The following ASAP1 variants were observed in gnomAD, a reference collection of about 807,000 sequenced individuals.
The protein encoded by ASAP1 is arf-GAP with SH3 domain, ANK repeat and PH domain-containing protein 1.
In ASAP1, 43 loss-of-function variants were observed where a neutral mutation model predicts 145.2. That is an observed-to-expected ratio of 0.30 (90% CI 0.23 to 0.38). The LOEUF (loss-of-function observed/expected upper bound fraction) is 0.38, where lower values mean the gene tolerates loss of function less well. Ranked by LOEUF, ASAP1 falls within the 10% of genes least tolerant of loss-of-function variation. ASAP1 has a pLI of 1.00. For missense variants in ASAP1, 1,018 were observed against 1,355.3 expected (o/e 0.75, Z 3.91); for synonymous variants, 546 against 515.5 (o/e 1.06, Z -0.80).
At chr8:130,132,983 GGAGA>G (rs907437897) in intron 15 of ASAP1, among the ~76,000 whole-genome samples, 2 of 152,010 alleles carry the variant, frequency 1.3e-5, no homozygotes, top group African/African-American at 4.8e-5. Flanking sequence ...TAAGCGAGTG[GGAGA>G]GAGAAAAGAA....
intron 25 of ASAP1, among the ~76,000 whole-genome samples, chr8:130,086,587 A>G (rs2097493673): frequency 6.6e-6 from 1 of 152,204 alleles, no homozygotes; most frequent in Admixed American, 6.5e-5. Context: ...GGTGGATCAC[A>G]TAACTCAGGA....
intron 29 of ASAP1, among the ~76,000 whole-genome samples, chr8:130,055,565 T>C (rs557591597): frequency 4.3e-4 from 65 of 151,662 alleles, no homozygotes; most frequent in African/African-American, 1.5e-3. Flanking sequence ...TGCTATGTAC[T>C]ATCACTTGTT....
intron 27 of ASAP1, among the ~76,000 whole-genome samples, chr8:130,065,349 C>T (rs2097428454): frequency 6.6e-6 from 1 of 152,160 alleles, no homozygotes; most frequent in Non-Finnish European, 1.5e-5. Context: ...TGTTGGCCTC[C>T]ACGGGTTTAG....
chr8:130,329,148 A>C (rs1824523612), intron 3 of ASAP1, among the ~76,000 whole-genome samples: 1 of 152,138 alleles, frequency 6.6e-6, no homozygotes, highest in Admixed American at 6.5e-5. Context: ...CAACTGTTCA[A>C]AATCCAGCCT....
intron 3 of ASAP1, among the ~76,000 whole-genome samples, chr8:130,253,922 G>A (rs1819358359): frequency 6.6e-6 from 1 of 152,150 alleles, no homozygotes; most frequent in Non-Finnish European, 1.5e-5. Flanking sequence ...TCAGGAGGCT[G>A]AGCCATGAGA....
chr8:130,187,117 G>T, intron 7 of ASAP1, 119 bp downstream of exon 7: 1 of 827,286 alleles, frequency 1.2e-6, no homozygotes, highest in Non-Finnish European at 1.9e-6. Flanking sequence ...ACAGGTTTTT[G>T]TTGAGAAGTT....
At chr8:130,158,085 A>C (rs937098844) in intron 12 of ASAP1, among the ~76,000 whole-genome samples, 1 of 152,204 alleles carries the variant, frequency 6.6e-6, no homozygotes, top group East Asian at 1.9e-4. Context: ...CAATGACCCC[A>C]GAAATTTAGA....
chr8:130,157,456 A>G (rs2097660260), intron 12 of ASAP1, among the ~76,000 whole-genome samples: 1 of 152,046 alleles, frequency 6.6e-6, no homozygotes, highest in Non-Finnish European at 1.5e-5. Context: ...GCTCCCATCT[A>G]GGTTTCTGAT....
chr8:130,258,383 T>C (rs1468626369), intron 3 of ASAP1, among the ~76,000 whole-genome samples: 1 of 152,178 alleles, frequency 6.6e-6, no homozygotes, highest in Non-Finnish European at 1.5e-5. Flanking sequence ...TTTGAAGAAG[T>C]TAAATGTACA....
At chr8:130,351,918 A>G (rs1826019134) in intron 3 of ASAP1, among the ~76,000 whole-genome samples, 2 of 152,248 alleles carry the variant, frequency 1.3e-5, no homozygotes, top group Admixed American at 1.3e-4. Flanking sequence ...TGTTTTAGAA[A>G]GAGCATGAGT....
At chr8:130,377,457 CTTG>C (rs1277948025) in intron 2 of ASAP1, among the ~76,000 whole-genome samples, 3 of 152,162 alleles carry the variant, frequency 2.0e-5, no homozygotes, top group Admixed American at 1.3e-4. Flanking sequence ...AGATCAGTCC[CTTG>C]TTGTTTATTC....
At chr8:130,437,838 G>C (rs1830367553) in intron 1 of ASAP1, among the ~76,000 whole-genome samples, 1 of 152,154 alleles carries the variant, frequency 6.6e-6, no homozygotes, top group Non-Finnish European at 1.5e-5. Context: ...CACAGCTGGG[G>C]AAGTACTGAC....
At chr8:130,123,855 C>A (rs150371249) in intron 18 of ASAP1, among the ~76,000 whole-genome samples, 158 bp downstream of exon 18, 74 of 152,050 alleles carry the variant, frequency 4.9e-4, no homozygotes, top group African/African-American at 1.7e-3. Flanking sequence ...GTCTTGATCT[C>A]CTGACCTCGT....
intron 18 of ASAP1, among the ~76,000 whole-genome samples, chr8:130,121,293 C>A (rs1029352224): frequency 6.6e-6 from 1 of 152,216 alleles, no homozygotes; most frequent in Non-Finnish European, 1.5e-5. Context: ...GGTTTCTCAA[C>A]CTCAGCCCTA....
At chr8:130,111,956 C>G in intron 24 of ASAP1, 138 bp downstream of exon 24, 6 of 795,528 alleles carry the variant, frequency 7.5e-6, no homozygotes, top group Non-Finnish European at 1.0e-5. Flanking sequence ...CTATTTCAAG[C>G]TGCTCCTGAC....
chr8:130,430,099 G>GC (rs1030726114), intron 1 of ASAP1, among the ~76,000 whole-genome samples: 1 of 152,126 alleles, frequency 6.6e-6, no homozygotes, highest in African/African-American at 2.4e-5. Flanking sequence ...GAGCACCAGG[G>GC]CCCCGATCCT....
intron 3 of ASAP1, among the ~76,000 whole-genome samples, chr8:130,354,934 G>C (rs1258030009): frequency 1.3e-5 from 2 of 152,182 alleles, no homozygotes; most frequent in Non-Finnish European, 2.9e-5. Context: ...CGCCTAACCT[G>C]GTGTGCAGTG....
At chr8:130,217,629 A>G (rs1013554070) in intron 4 of ASAP1, among the ~76,000 whole-genome samples, 5 of 151,866 alleles carry the variant, frequency 3.3e-5, no homozygotes, top group African/African-American at 1.2e-4. Flanking sequence ...TCCCTACCCA[A>G]TGGACACTGC....
At position 130,366,886 on chromosome 8, in the gene ASAP1, C is replaced by CTTTTTTTTTTTTTTTTTTT. The variant is rs905755447; in HGVS notation, c.60-8762_60-8744dup. 4.2e-3 allele frequency among the ~76,000 whole-genome samples: 419 copies of CTTTTTTTTTTTTTTTTTTT among 99,182 alleles called. 24 individuals carry two copies. The highest frequency in any genetic ancestry group is 6.9e-3 in the African/African-American group (170 of 24,742). 65.1% of individuals were successfully genotyped at this position (99,182 alleles called of 152,430 possible). On this transcript the variant is annotated intron_variant, in intron 2 of 29. Coordinates refer to ENST00000518721, the MANE Select transcript of ASAP1 (RefSeq NM_018482.4). Reference sequence around the variant, plus strand: ...TCTAAACAGGTACTATGCTAGATTCCTTTTTTTTTTTTTTTTTTTTTTGAG... The same window carrying CTTTTTTTTTTTTTTTTTTT: ...TCTAAACAGGTACTATGCTAGATTCCTTTTTTTTTTTTTTTTTTTTTTTTTTTTTTTTTTTTTTTTTGAG...
Sources: allele counts gnomAD v4.1 joint callset (sites outside exome capture counted in the v4.1 genomes callset), GRCh38; gene constraint gnomAD v4.1.1; transcripts MANE v1.5; gene names NCBI Gene and HGNC (gene_info 2026-07-23, HGNC 2026-07-21).